PTRH1: variants seen among roughly 807,000 people sequenced by gnomAD.
PTRH1 encodes the protein peptidyl-tRNA hydrolase.
A neutral mutation model predicts 15.7 loss-of-function variants in PTRH1; 13 were observed. The ratio of observed to expected loss-of-function variants is 0.83; its 90% confidence interval spans 0.54 to 1.31. The LOEUF (loss-of-function observed/expected upper bound fraction) is 1.31. Ranked by LOEUF, PTRH1 falls within the 40% of genes most tolerant of loss-of-function variation. PTRH1 has a pLI of 0.00. For synonymous variants in PTRH1, 139 were observed against 136.7 expected (o/e 1.02, Z -0.12); for missense variants, 319 against 296.2 (o/e 1.08, Z -0.56).
chr9:127,710,968 T>G (rs1842752895), downstream of PTRH1, among the ~76,000 whole-genome samples: 1 of 152,164 alleles, frequency 6.6e-6, no homozygotes, highest in Non-Finnish European at 1.5e-5. Context: ...ACGCTGGCAT[T>G]GGAGACTCCC....
downstream of PTRH1, chr9:127,713,785 G>A (rs1842827355): frequency 6.6e-7 from 1 of 1,504,988 alleles, no homozygotes. Context: ...GGGATTATAG[G>A]TGTGAGCCAC....
At chr9:127,711,887 G>A (rs754078173), downstream of PTRH1, 13 of 1,595,696 alleles carry the variant, frequency 8.1e-6, no homozygotes, top group South Asian at 3.4e-5. Context: ...GAGGAGCTGC[G>A]CCTCCTGCTG....
chr9:127,707,155 C>T (rs1842664888), intron 1 of PTRH1: 2 of 1,613,436 alleles, frequency 1.2e-6, no homozygotes, highest in African/African-American at 1.3e-5. Context: ...GGAGTTCTAC[C>T]ACATCCAGAT....
In PTRH1 at chr9:127,715,281, C is replaced by G. The variant is rs937408676; in HGVS notation, c.97-87G>C. On this transcript the variant is annotated intron_variant, in intron 1 of 4. Transcript: ENST00000543175. The surrounding 1 kb of genome is among the most constrained non-coding windows in gnomAD (Gnocchi z 5.8). The stretch of plus-strand genomic sequence containing the variant: ...TCCCGTGGGCCCCAACGCAGAGGAG[C>G]GGAAACGCAGAGCAACGCTGCAGTG... 11 of 1,433,986 alleles carry G rather than the reference C, an allele frequency of 7.7e-6. No homozygotes were observed. In the African/African-American group the frequency reaches 9.9e-5, roughly 13 times the overall value. 88.8% of individuals were successfully genotyped at this position (1,433,986 alleles called of 1,614,324 possible). A position where few individuals can be genotyped will look rare whatever the true frequency, so the allele number is the denominator to read the frequency against.
At chr9:127,702,751 G>A (rs964221513) in intron 1 of PTRH1, among the ~76,000 whole-genome samples, 10 of 150,508 alleles carry the variant, frequency 6.6e-5, no homozygotes, top group South Asian at 2.1e-4. Flanking sequence ...TTGCTCTGTC[G>A]TCCAGGCTGG....
At chr9:127,706,887 A>T in intron 1 of PTRH1, 2 of 933,484 alleles carry the variant, frequency 2.1e-6, no homozygotes. Flanking sequence ...TTGGAGTGGG[A>T]CCTGGTACCG....
At chr9:127,713,693 G>C (rs1002364537), downstream of PTRH1, 3 of 617,080 alleles carry the variant, frequency 4.9e-6, no homozygotes, top group Non-Finnish European at 8.8e-6. Context: ...TTTTAGTAGA[G>C]ACAGGGTTTC....
Position 127,713,973 on chromosome 9 carries a change from C to A in PTRH1, c.*127G>T. On this transcript the variant is annotated 3_prime_UTR_variant, in exon 5 of 5. Coordinates refer to ENST00000543175, the MANE Select transcript of PTRH1 (RefSeq NM_001002913.3). ...TCACAGTCACCCCCACTTTAATCCG[C>A]AGGCAGCCTGGAACAGTCTAGAGGA... 1.3e-6 allele frequency: 2 copies of A among 1,581,418 alleles called. No individual in the cohort carries two copies. Among genetic ancestry groups the A allele is most frequent in the Non-Finnish European group, 1.7e-6 (2 of 1,150,766 alleles).
chr9:127,706,856 G>A (rs1031523958), intron 1 of PTRH1: 2 of 683,230 alleles, frequency 2.9e-6, no homozygotes, highest in Non-Finnish European at 4.7e-6. Context: ...TGGGCCTGGG[G>A]CCTCACTGAT....
chr9:127,707,949 C>G lies in PTRH1; in HGVS notation c.205+7486G>C, dbSNP rs549640714. On this transcript the variant is annotated intron_variant, in intron 1 of 2. Transcript: ENST00000335223. ...GTGCCAGGCAGGCCATGGGCTGGTG[C>G]TCACTGAGTCCTCACAGCAGTCTTA... Among the ~76,000 whole-genome samples, 9 of 152,282 alleles carry G rather than the reference C, an allele frequency of 5.9e-5. 1 individual carries two copies. In the South Asian group the frequency reaches 1.9e-3, roughly 32 times the overall value.
chr9:127,713,344 T>G (rs182406011), downstream of PTRH1: 3 of 696,112 alleles, frequency 4.3e-6, no homozygotes, highest in East Asian at 8.9e-5. Context: ...TAAAATGGGC[T>G]GAAGAAAGGA....
rs138071672 is a variant in PTRH1 at position 127,695,053 on chromosome 9, T to TGA, written c.293_294insTC (p.Gln98HisfsTer4). ...AGGAAGCACAGTGAGGGCTCAGCCA[T>TGA]TGATGATGATGATGATGATGATGAT... On this transcript the variant is annotated frameshift_variant, in exon 2 of 3. Transcript: ENST00000335223. LOFTEE classifies it high-confidence loss of function. 1.0e-5 allele frequency: 7 copies of TGA among 671,696 alleles called. No homozygotes were observed. The highest frequency in any genetic ancestry group is 6.3e-5 in the South Asian group (4 of 63,652). 41.6% of individuals were successfully genotyped at this position (671,696 alleles called of 1,614,324 possible). A position where few individuals can be genotyped will look rare whatever the true frequency, so the allele number is the denominator to read the frequency against.
chr9:127,712,237 A>G (rs776757970), downstream of PTRH1: 4 of 1,614,046 alleles, frequency 2.5e-6, no homozygotes, highest in South Asian at 4.4e-5. Context: ...CTGGAGCAGC[A>G]GCAGGTGGAT....
rs1437140642 is a variant in PTRH1, at chr9:127,713,945, C to T, written c.*155G>A. The T allele has an allele frequency of 6.3e-7, 1 of 1,590,872 alleles. No individual in the cohort carries two copies. The highest frequency in any genetic ancestry group is 2.2e-5 in the East Asian group (1 of 44,742). ...AACCTACTCCAGAAATGGACTGGTC[C>T]AGTCACAGTCACCCCCACTTTAATC... is the stretch of plus-strand genomic sequence containing the variant. On this transcript the variant is annotated 3_prime_UTR_variant, in exon 5 of 5. Coordinates refer to ENST00000543175, the MANE Select transcript of PTRH1 (RefSeq NM_001002913.3).
In PTRH1 at chr9:127,715,582, A is replaced by T. The variant is rs145223722; in HGVS notation, c.58T>A (p.Cys20Ser). 19 of 1,613,308 alleles carry T rather than the reference A, an allele frequency of 1.2e-5. No individual in the cohort carries two copies. In the African/African-American group the frequency reaches 2.5e-4, roughly 22 times the overall value. Residue 20 changes from cysteine (C) to serine (S), a missense_variant, in exon 1 of 5, where the codon TGT (cysteine) becomes AGT (serine). Cys to Ser is a moderately radical substitution (Grantham distance 112). Coordinates refer to ENST00000543175, the MANE Select transcript of PTRH1 (RefSeq NM_001002913.3). This position sits in a 1 kb window ranked among gnomAD's most constrained non-coding sequence, Gnocchi z 5.8. ...GQRLSRAMSRCVLEPRPPGKR... is the reference protein window; with the variant it reads ...GQRLSRAMSRSVLEPRPPGKR... The stretch of plus-strand genomic sequence containing the variant: ...CCCGGGGGGCGAGGCTCCAAAACAC[A>T]TCGGCTCATGGCTCTACTCAGCCGC...
downstream of PTRH1, chr9:127,711,764 T>C: frequency 2.0e-6 from 3 of 1,530,682 alleles, no homozygotes; most frequent in East Asian, 4.9e-5. Flanking sequence ...CCTGGCTGTG[T>C]CTGCAGCTGG....
downstream of PTRH1, chr9:127,709,381 C>T (rs1842712033): frequency 6.3e-7 from 1 of 1,594,314 alleles, no homozygotes; most frequent in South Asian, 1.1e-5. The surrounding 1 kb of genome is among the most constrained non-coding windows in gnomAD (Gnocchi z 4.7). Flanking sequence ...GCCTGGCTTG[C>T]CCAGCCTGAC....
chr9:127,710,876 G>A (rs529571369), downstream of PTRH1: 46 of 1,109,268 alleles, frequency 4.1e-5, no homozygotes, highest in South Asian at 4.5e-4. Context: ...CCGCCGCCCC[G>A]ACAACCTGCT....
downstream of PTRH1, chr9:127,713,496 C>CTTT (rs58502035): frequency 3.6e-4 from 33 of 90,934 alleles, no homozygotes; most frequent in South Asian, 7.7e-4. Context: ...CAGCATCTTT[C>CTTT]TTTTTTTTTT....
Sources: gnomAD v4.1 joint callset for allele counts (sites outside exome capture counted in the v4.1 genomes callset) on GRCh38, gnomAD v4.1.1 for gene constraint, Gnocchi (gnomAD v3.1) non-coding constraint, MANE v1.5 for transcripts, NCBI Gene and HGNC (gene_info 2026-07-23, HGNC 2026-07-21) for gene names.